The following CTNND2 variants were observed in gnomAD, a reference collection of about 807,000 sequenced individuals.
CTNND2 encodes the protein catenin delta-2.
CTNND2 carries 22 observed loss-of-function variants against 144.4 expected under a neutral mutation model. That is an observed-to-expected ratio of 0.15 (90% CI 0.11 to 0.22). The LOEUF is 0.22. CTNND2 is among the 10% of genes least tolerant of loss of function. The pLI, the probability that CTNND2 is intolerant of heterozygous loss-of-function variation, is 1.00. For synonymous variants in CTNND2, 751 were observed against 695.6 expected (o/e 1.08, Z -1.25); for missense variants, 1,353 against 1,618.8 (o/e 0.84, Z 2.82).
chr5:11,833,326 T>C (rs1794006266), intron 1 of CTNND2, among the ~76,000 whole-genome samples: 1 of 152,118 alleles, frequency 6.6e-6, no homozygotes, highest in Non-Finnish European at 1.5e-5. Flanking sequence ...TGATACAACA[T>C]AGTTTAACCT....
intron 18 of CTNND2, among the ~76,000 whole-genome samples, chr5:11,017,603 C>CAT (rs55835829): frequency 0.17 from 16,616 of 99,828 alleles, 1,071 homozygotes; most frequent in Non-Finnish European, 0.18. Context: ...TATATCTTTC[C>CAT]ATATATATAT....
intron 3 of CTNND2, among the ~76,000 whole-genome samples, chr5:11,462,941 G>A (rs1766350054): frequency 4.6e-5 from 7 of 151,980 alleles, no homozygotes; most frequent in Admixed American, 4.6e-4. Flanking sequence ...TCCCACATCT[G>A]CAGACTCCTC....
intron 3 of CTNND2, among the ~76,000 whole-genome samples, chr5:11,521,491 T>G (rs1237185027): frequency 1.3e-5 from 2 of 152,216 alleles, no homozygotes; most frequent in Non-Finnish European, 2.9e-5. Flanking sequence ...GCACACTGCT[T>G]GCTTAGTGAA....
At position 11,240,287 on chromosome 5, in the gene CTNND2, TCAAA is replaced by T. The variant is rs528052954; in HGVS notation, c.1629-3468_1629-3465del. On this transcript the variant is annotated intron_variant, in intron 9 of 21. Transcript: ENST00000304623. The stretch of plus-strand genomic sequence containing the variant: ...ACACACACACCCAACACACACACAC[TCAAA>T]CACACACCCAACACACATACACCCA... Among the ~76,000 whole-genome samples the T allele has an allele frequency of 5.7e-3, 213 of 37,056 alleles. 1 individual carries two copies. Among genetic ancestry groups the T allele is most frequent in the African/African-American group, 0.016 (155 of 9,776 alleles). The allele number at this position is 37,056 out of a possible 152,430, so 24.3% of individuals were successfully genotyped here. A position where few individuals can be genotyped will look rare whatever the true frequency, so the allele number is the denominator to read the frequency against.
intron 14 of CTNND2, among the ~76,000 whole-genome samples, chr5:11,105,211 G>A (rs1752308424): frequency 6.6e-6 from 1 of 152,242 alleles, no homozygotes; most frequent in Non-Finnish European, 1.5e-5. Context: ...GGCCGTCCCT[G>A]TTACTGCCTT....
At chr5:11,444,102 T>G (rs1322110392) in intron 3 of CTNND2, among the ~76,000 whole-genome samples, 1 of 152,194 alleles carries the variant, frequency 6.6e-6, no homozygotes, top group Non-Finnish European at 1.5e-5. Flanking sequence ...GGCATTGACT[T>G]AATGCCAAAA....
At chr5:11,237,333 C>T (rs553823992) in intron 9 of CTNND2, among the ~76,000 whole-genome samples, 2 of 152,148 alleles carry the variant, frequency 1.3e-5, no homozygotes, top group South Asian at 4.2e-4. Flanking sequence ...AAATAGTTTT[C>T]AAGTGCAAAC....
intron 2 of CTNND2, among the ~76,000 whole-genome samples, chr5:11,587,447 G>A (rs2150138514): frequency 6.6e-6 from 1 of 151,892 alleles, no homozygotes; most frequent in African/African-American, 2.4e-5. Context: ...GATATAATAA[G>A]GGCCTTTCTT....
intron 9 of CTNND2, among the ~76,000 whole-genome samples, chr5:11,243,969 T>C (rs1742720440): frequency 6.6e-6 from 1 of 152,232 alleles, no homozygotes; most frequent in Non-Finnish European, 1.5e-5. Flanking sequence ...TATTAAAATG[T>C]ATGATAATTT....
At chr5:11,700,111 G>C (rs779303779) in intron 2 of CTNND2, among the ~76,000 whole-genome samples, 1 of 152,158 alleles carries the variant, frequency 6.6e-6, no homozygotes, top group Non-Finnish European at 1.5e-5. Context: ...CACTTGGCCA[G>C]GCACAGTGGC....
At chr5:11,277,694 G>T (rs1212512378) in intron 9 of CTNND2, among the ~76,000 whole-genome samples, 1 of 151,876 alleles carries the variant, frequency 6.6e-6, no homozygotes, top group Non-Finnish European at 1.5e-5. Context: ...ACCACACTTG[G>T]CTAATTTTTG....
At chr5:11,266,905 G>A (rs1443959075) in intron 9 of CTNND2, among the ~76,000 whole-genome samples, 1 of 152,140 alleles carries the variant, frequency 6.6e-6, no homozygotes, top group Non-Finnish European at 1.5e-5. Context: ...TTGAGACGGA[G>A]TCCAACTCTG....
intron 11 of CTNND2, among the ~76,000 whole-genome samples, chr5:11,195,016 A>T (rs532119476): frequency 6.6e-6 from 1 of 152,210 alleles, no homozygotes; most frequent in East Asian, 1.9e-4. Flanking sequence ...AAGAAAATAC[A>T]AGAGAAATAA....
intron 3 of CTNND2, among the ~76,000 whole-genome samples, chr5:11,548,259 T>C (rs777731093): frequency 6.6e-6 from 1 of 152,130 alleles, no homozygotes; most frequent in Non-Finnish European, 1.5e-5. Flanking sequence ...AACACAAAAT[T>C]GAGAAAGCTG....
intron 1 of CTNND2, among the ~76,000 whole-genome samples, chr5:11,849,236 T>C (rs1694736499): frequency 3.3e-5 from 5 of 152,118 alleles, no homozygotes; most frequent in Admixed American, 3.3e-4. Flanking sequence ...TCAGATCTCA[T>C]GAGACTTACT....
chr5:11,177,237 G>A (rs1411636305), intron 11 of CTNND2, among the ~76,000 whole-genome samples: 1 of 152,226 alleles, frequency 6.6e-6, no homozygotes, highest in Non-Finnish European at 1.5e-5. Flanking sequence ...CAAGAAGAGA[G>A]TGAGGTTTAG....
intron 18 of CTNND2, among the ~76,000 whole-genome samples, chr5:11,015,993 G>A (rs1413398020): frequency 2.6e-5 from 4 of 152,204 alleles, no homozygotes; most frequent in Non-Finnish European, 5.9e-5. Context: ...TATATGAAAT[G>A]CTTTGGGAAG....
intron 5 of CTNND2, among the ~76,000 whole-genome samples, chr5:11,403,130 C>G (rs925654027): frequency 6.6e-6 from 1 of 152,118 alleles, no homozygotes; most frequent in Non-Finnish European, 1.5e-5. Context: ...TTGTTTGCTG[C>G]ACCTATCAAC....
chr5:11,277,974 T>G (rs1746722238), intron 9 of CTNND2, among the ~76,000 whole-genome samples: 2 of 152,180 alleles, frequency 1.3e-5, no homozygotes, highest in Admixed American at 1.3e-4. Context: ...GCCTCTTGTC[T>G]CCACTTTTCT....
Sources: gnomAD v4.1 joint callset for allele counts (sites outside exome capture counted in the v4.1 genomes callset) on GRCh38, gnomAD v4.1.1 for gene constraint, MANE v1.5 for transcripts, NCBI Gene and HGNC (gene_info 2026-07-23, HGNC 2026-07-21) for gene names.